Variants in PPP6C observed in about 807,000 individuals in gnomAD.
PPP6C encodes the protein serine/threonine-protein phosphatase 6 catalytic subunit.
Under a neutral mutation model 39.8 loss-of-function variants are expected in PPP6C, and 11 were observed. The observed-to-expected ratio is 0.28, with a 90% CI of 0.17 to 0.46. The LOEUF is 0.46. Among genes scored for constraint, PPP6C ranks in the 20% least tolerant of loss-of-function variants. The probability of loss-of-function intolerance (pLI) is 1.00; values close to 1 mark genes in which losing one functional copy is unlikely to be tolerated. For missense variants in PPP6C, 211 were observed against 373.9 expected (o/e 0.56, Z 3.59); for synonymous variants, 129 against 130.3 (o/e 0.99, Z 0.07).
At chr9:125,166,535 CTTTTTTTTTTTT>C (rs1169190980) in intron 2 of PPP6C, among the ~76,000 whole-genome samples, 3 of 134,466 alleles carry the variant, frequency 2.2e-5, no homozygotes, top group Non-Finnish European at 4.7e-5. Flanking sequence ...TTTTCTTTTT[CTTTTTTTTTTTT>C]TTTTTAGCAG....
At chr9:125,160,229 G>A (rs1828828579) in intron 3 of PPP6C, among the ~76,000 whole-genome samples, 1 of 152,172 alleles carries the variant, frequency 6.6e-6, no homozygotes, top group Non-Finnish European at 1.5e-5. Flanking sequence ...GTCAATTGAA[G>A]ATTTTTGCCT....
At chr9:125,188,819 A>ATAATAATAC (rs1829591356) in intron 1 of PPP6C, 3 of 441,586 alleles carry the variant, frequency 6.8e-6, no homozygotes, top group Non-Finnish European at 1.1e-5. Flanking sequence ...AATAATAATA[A>ATAATAATAC]TTAAAAAGTT....
intron 4 of PPP6C, among the ~76,000 whole-genome samples, chr9:125,156,990 A>G (rs981261698): frequency 6.6e-6 from 1 of 151,726 alleles, no homozygotes; most frequent in Non-Finnish European, 1.5e-5. Context: ...AATTTTTTTT[A>G]TTATTAAACT....
intron 2 of PPP6C, among the ~76,000 whole-genome samples, chr9:125,163,551 C>G (rs567989697): frequency 4.1e-4 from 63 of 152,130 alleles, no homozygotes; most frequent in Non-Finnish European, 8.7e-4. Context: ...CTGCCTCAGC[C>G]TCCCGAGTAG....
At chr9:125,189,045 A>G in intron 1 of PPP6C, 1 of 911,520 alleles carries the variant, frequency 1.1e-6, no homozygotes, top group Non-Finnish European at 1.7e-6. Context: ...CAGAAACGGG[A>G]TTCACCTCTG....
intron 1 of PPP6C, among the ~76,000 whole-genome samples, chr9:125,175,365 G>A (rs967158305): frequency 6.6e-6 from 1 of 151,310 alleles, no homozygotes; most frequent in Non-Finnish European, 1.5e-5. Context: ...CCGGCCGGGC[G>A]CGGTGGCTCA....
chr9:125,168,429 T>C (rs527886800), intron 2 of PPP6C, among the ~76,000 whole-genome samples: 5 of 152,284 alleles, frequency 3.3e-5, no homozygotes, highest in African/African-American at 1.2e-4. Context: ...ATTTAGAGGC[T>C]CAAATCCCAT....
At chr9:125,171,218 A>C in intron 1 of PPP6C, 38 bp from the exon 2 acceptor site, 1 of 1,422,084 alleles carries the variant, frequency 7.0e-7, no homozygotes, top group African/African-American at 1.5e-5. Flanking sequence ...CATTTACTAC[A>C]ACATTAAAAC....
chr9:125,167,362 CAG>C (rs1829037695), intron 2 of PPP6C, among the ~76,000 whole-genome samples: 1 of 114,882 alleles, frequency 8.7e-6, no homozygotes, highest in Non-Finnish European at 1.6e-5. Flanking sequence ...GCTTGGGTGA[CAG>C]AGCGAGACCC....
chr9:125,150,360 G>A (rs754662522), intron 6 of PPP6C, among the ~76,000 whole-genome samples: 11 of 152,014 alleles, frequency 7.2e-5, no homozygotes, highest in Non-Finnish European at 1.3e-4. Flanking sequence ...ATACACTGAT[G>A]CAGGATCAGA....
chr9:125,179,093 T>C (rs189520569), intron 1 of PPP6C, among the ~76,000 whole-genome samples: 15 of 152,000 alleles, frequency 9.9e-5, no homozygotes. Flanking sequence ...CGCATGCCTA[T>C]AATCCCAGCT....
intron 1 of PPP6C, 48 bp downstream of exon 1, chr9:125,189,596 G>C (rs1292162459): frequency 6.2e-7 from 1 of 1,609,590 alleles, no homozygotes; most frequent in African/African-American, 1.3e-5. Flanking sequence ...AGGGCCGGCC[G>C]GCGGGCGCCC....
rs978793416 is a variant in PPP6C at position 125,155,286 on chromosome 9, GA to G, written c.380-1302del. ...TACTTTGGCTTCTTCCATAATTTTA[GA>G]AAAAAAAAAACCTGACATATCACTA... On this transcript the variant is annotated intron_variant, in intron 4 of 6. Transcript: ENST00000373547. Among the ~76,000 whole-genome samples the G allele has an allele frequency of 3.7e-3, 536 of 143,886 alleles. 2 individuals carry two copies. The highest frequency in any genetic ancestry group is 6.3e-3 in the Non-Finnish European group (411 of 65,342). The allele number at this position is 143,886 out of a possible 152,430, so 94.4% of individuals were successfully genotyped here.
chr9:125,167,082 A>G (rs1020032838), intron 2 of PPP6C, among the ~76,000 whole-genome samples: 2 of 151,616 alleles, frequency 1.3e-5, no homozygotes, highest in Non-Finnish European at 2.9e-5. Flanking sequence ...TTTCTTTTTA[A>G]TATTTTTAGA....
At chr9:125,159,881 G>A (rs1476694253) in intron 3 of PPP6C, among the ~76,000 whole-genome samples, 7 of 152,176 alleles carry the variant, frequency 4.6e-5, no homozygotes, top group Non-Finnish European at 8.8e-5. Context: ...AATTAGCTGG[G>A]CGTGGTGGCG....
chr9:125,181,876 A>G (rs1479951034), intron 1 of PPP6C, among the ~76,000 whole-genome samples: 3 of 152,218 alleles, frequency 2.0e-5, no homozygotes, highest in Non-Finnish European at 4.4e-5. Flanking sequence ...AGGAATCGCT[A>G]CACTGTCTTC....
intron 2 of PPP6C, among the ~76,000 whole-genome samples, chr9:125,164,577 C>G (rs959184727): frequency 6.6e-6 from 1 of 152,070 alleles, no homozygotes; most frequent in African/African-American, 2.4e-5. Context: ...AAACCAAAAA[C>G]AATCTTAAGA....
Position 125,181,470 on chromosome 9 carries a change from G to A in PPP6C, c.75+8174C>T, listed in dbSNP as rs542383752. 7.9e-5 allele frequency among the ~76,000 whole-genome samples: 12 copies of A among 152,122 alleles called. No individual in the cohort carries two copies. In the South Asian group the frequency reaches 1.5e-3, roughly 18 times the overall value. Reference sequence around the variant, plus strand: ...ATCTACAATCGGTATTTCTCCTAATGATATCCCTCCCTTTACCCCGGACCC... The same window carrying A: ...ATCTACAATCGGTATTTCTCCTAATAATATCCCTCCCTTTACCCCGGACCC... On this transcript the variant is annotated intron_variant, in intron 1 of 6. Coordinates refer to ENST00000373547, the MANE Select transcript of PPP6C (RefSeq NM_002721.5).
intron 1 of PPP6C, among the ~76,000 whole-genome samples, chr9:125,189,263 G>A (rs1296949342): frequency 6.6e-6 from 1 of 152,254 alleles, no homozygotes; most frequent in African/African-American, 2.4e-5. Flanking sequence ...CACCTCCGGT[G>A]GAGGCGACCC....
Sources: allele counts gnomAD v4.1 joint callset (sites outside exome capture counted in the v4.1 genomes callset), GRCh38; gene constraint gnomAD v4.1.1; transcripts MANE v1.5; gene names NCBI Gene and HGNC (gene_info 2026-07-23, HGNC 2026-07-21).